Variants in PIK3C2G observed in about 807,000 individuals in gnomAD.
PIK3C2G encodes phosphatidylinositol-4-phosphate 3-kinase catalytic subunit type 2 gamma.
A neutral mutation model predicts 181.1 loss-of-function variants in PIK3C2G; 168 were observed. The ratio of observed to expected loss-of-function variants is 0.93; its 90% CI spans 0.82 to 1.05. PIK3C2G has a LOEUF of 1.05. PIK3C2G is among the 50% of genes least tolerant of loss of function. PIK3C2G has a pLI of 0.00. For synonymous variants in PIK3C2G, 573 were observed against 592.2 expected (o/e 0.97, Z 0.47); for missense variants, 1,869 against 1,732.8 (o/e 1.08, Z -1.40).
chr12:18,385,496 T>A (rs780185696), intron 14 of PIK3C2G, among the ~76,000 whole-genome samples: 6 of 152,182 alleles, frequency 3.9e-5, no homozygotes, highest in Admixed American at 6.5e-5. Flanking sequence ...AACAGCTCTG[T>A]CACATATTTA....
chr12:18,725,388 A>G, the PIK3C2G span, among the ~76,000 whole-genome samples: 1 of 152,176 alleles, frequency 6.6e-6, no homozygotes, highest in East Asian at 1.9e-4. Flanking sequence ...GTAAGAGAAA[A>G]CTGAAGCACA....
chr12:18,541,279 T>G (rs374341938), intron 25 of PIK3C2G, among the ~76,000 whole-genome samples: 30 of 152,028 alleles, frequency 2.0e-4, no homozygotes, highest in African/African-American at 7.2e-4. Flanking sequence ...TCTCCAGATA[T>G]CCATATTGCT....
downstream of PIK3C2G, among the ~76,000 whole-genome samples, chr12:18,649,703 C>T (rs530370919): frequency 1.3e-5 from 2 of 152,272 alleles, no homozygotes; most frequent in South Asian, 4.1e-4. Flanking sequence ...CTGTTGACCT[C>T]CAATTAGCTA....
intron 8 of PIK3C2G, among the ~76,000 whole-genome samples, chr12:18,330,550 G>T (rs971325535): frequency 6.6e-6 from 1 of 152,092 alleles, no homozygotes; most frequent in Non-Finnish European, 1.5e-5. Flanking sequence ...TGATGATGCC[G>T]AATTACTTTT....
intron 18 of PIK3C2G, among the ~76,000 whole-genome samples, chr12:18,473,238 T>C (rs1938620582): frequency 6.6e-6 from 1 of 152,192 alleles, no homozygotes; most frequent in Admixed American, 6.5e-5. Flanking sequence ...CCATAGATCT[T>C]TCCAGAGTCC....
At chr12:18,463,008 T>C (rs567282045) in intron 18 of PIK3C2G, among the ~76,000 whole-genome samples, 4 of 152,304 alleles carry the variant, frequency 2.6e-5, no homozygotes, top group African/African-American at 9.6e-5. Context: ...CTATAGCCTT[T>C]ATTGGATACA....
At chr12:18,513,222 A>T (rs973302666) in intron 24 of PIK3C2G, among the ~76,000 whole-genome samples, 1 of 151,840 alleles carries the variant, frequency 6.6e-6, no homozygotes, top group Non-Finnish European at 1.5e-5. Context: ...GTATTTTTGC[A>T]TCTACGTTAA....
At chr12:18,680,883 T>C in the PIK3C2G span, among the ~76,000 whole-genome samples, 1 of 152,092 alleles carries the variant, frequency 6.6e-6, no homozygotes, top group Non-Finnish European at 1.5e-5. Context: ...GTCAATTCTA[T>C]GATTGGAGTA....
rs576278229 is a variant in PIK3C2G, at chr12:18,400,528, G to A, written c.2315+681G>A. Among the ~76,000 whole-genome samples the A allele has an allele frequency of 1.5e-3, 223 of 152,250 alleles. 1 individual carries two copies. Among genetic ancestry groups the A allele is most frequent in the African/African-American group, 5.2e-3 (216 of 41,554 alleles). On this transcript the variant is annotated intron_variant, in intron 16 of 32. Coordinates refer to ENST00000538779, the MANE Select transcript of PIK3C2G (RefSeq NM_001288772.2). ...ATGAAGAAAGTCTGCAATCTCTTGAGCCAGGCAAAAAATTGTGAAACCCCG... is the reference window on the plus strand; with the variant it reads ...ATGAAGAAAGTCTGCAATCTCTTGAACCAGGCAAAAAATTGTGAAACCCCG...
At chr12:18,568,413 T>A (rs949123783) in intron 29 of PIK3C2G, among the ~76,000 whole-genome samples, 1 of 150,666 alleles carries the variant, frequency 6.6e-6, no homozygotes, top group African/African-American at 2.4e-5. Context: ...TGTGTGTGTG[T>A]CTGTGTGTGT....
intron 13 of PIK3C2G, among the ~76,000 whole-genome samples, chr12:18,372,169 G>A (rs767106796): frequency 5.9e-5 from 9 of 151,598 alleles, no homozygotes; most frequent in Non-Finnish European, 8.8e-5. Context: ...TTCTTTGTTG[G>A]ATTAATTCTG....
At chr12:18,355,591 C>A (rs1565630554) in intron 11 of PIK3C2G, among the ~76,000 whole-genome samples, 1 of 152,074 alleles carries the variant, frequency 6.6e-6, no homozygotes, top group Non-Finnish European at 1.5e-5. Context: ...CCAAAGACTA[C>A]CCTGGGGCCT....
chr12:18,665,912 G>A, the PIK3C2G span, among the ~76,000 whole-genome samples: 1 of 148,048 alleles, frequency 6.8e-6, no homozygotes, highest in Non-Finnish European at 1.5e-5. Context: ...TCCAGCCTGG[G>A]TGACAGAGAT....
At chr12:18,399,955 T>G in intron 16 of PIK3C2G, 108 bp downstream of exon 16, 1 of 560,826 alleles carries the variant, frequency 1.8e-6, no homozygotes, top group Non-Finnish European at 2.8e-6. Flanking sequence ...GTTCTCAATT[T>G]TGATAGTTAT....
chr12:18,574,023 C>T (rs1231631035), intron 29 of PIK3C2G, among the ~76,000 whole-genome samples: 1 of 152,158 alleles, frequency 6.6e-6, no homozygotes, highest in Admixed American at 6.6e-5. Flanking sequence ...TCTATATATG[C>T]ACAGAACATA....
intron 24 of PIK3C2G, among the ~76,000 whole-genome samples, chr12:18,520,655 A>G (rs1475179912): frequency 6.6e-6 from 1 of 152,132 alleles, no homozygotes; most frequent in African/African-American, 2.4e-5. Context: ...GCATTGGGTT[A>G]GAATATGCTC....
chr12:18,675,389 A>G, the PIK3C2G span, among the ~76,000 whole-genome samples: 1 of 152,162 alleles, frequency 6.6e-6, no homozygotes, highest in Admixed American at 6.5e-5. Flanking sequence ...ACATGGATGC[A>G]GATAAAAGAG....
intron 18 of PIK3C2G, among the ~76,000 whole-genome samples, chr12:18,480,306 A>T (rs1939427501): frequency 6.6e-6 from 1 of 152,178 alleles, no homozygotes; most frequent in Admixed American, 6.5e-5. Context: ...TAGAAAAATG[A>T]TAAATAAAAT....
At chr12:18,660,978 CA>C in the PIK3C2G span, among the ~76,000 whole-genome samples, 1 of 151,786 alleles carries the variant, frequency 6.6e-6, no homozygotes, top group Non-Finnish European at 1.5e-5. Flanking sequence ...CAAATGAAGC[CA>C]AAATGAAATT....
Sources: gnomAD v4.1 joint callset for allele counts (sites outside exome capture counted in the v4.1 genomes callset) on GRCh38, gnomAD v4.1.1 for gene constraint, MANE v1.5 for transcripts, NCBI Gene and HGNC (gene_info 2026-07-23, HGNC 2026-07-21) for gene names.